Variants in MYH14 observed in about 807,000 individuals in gnomAD.
MYH14 encodes myosin heavy chain 14.
In MYH14, 123 loss-of-function variants were observed where a neutral mutation model predicts 255.5. The observed-to-expected ratio is 0.48, with a 90% CI of 0.42 to 0.56. The LOEUF is 0.56. MYH14 is among the 20% of genes least tolerant of loss of function. The pLI is 0.00. For synonymous variants in MYH14, 1,095 were observed against 1,161.2 expected (o/e 0.94, Z 1.16); for missense variants, 2,423 against 2,802.3 (o/e 0.86, Z 3.06).
chr19:50,276,439 C>T lies in MYH14; in HGVS notation c.3680+236C>T, dbSNP rs1396616796. ...AGATTCAGGCAAAGACAATCTCAAC[C>T]CAGAACAAGGGGTGCTTTAGCGGAG... On this transcript the variant is annotated intron_variant, in intron 28 of 42. Transcript: ENST00000642316. This position sits in a 1 kb window ranked among gnomAD's most constrained non-coding sequence, Gnocchi z 4.3. Among the ~76,000 whole-genome samples the T allele has an allele frequency of 6.6e-6, 1 of 152,116 alleles. No homozygotes were observed. Among genetic ancestry groups the T allele is most frequent in the Non-Finnish European group, 1.5e-5 (1 of 68,014 alleles).
At chr19:50,255,904 C>T (rs1037684182) in intron 17 of MYH14, among the ~76,000 whole-genome samples, 22 of 150,176 alleles carry the variant, frequency 1.5e-4, no homozygotes, top group Admixed American at 1.3e-3. Flanking sequence ...CGGTTGATGG[C>T]GCTTGAATGG....
chr19:50,214,784 C>T (rs1035502402), intron 2 of MYH14, among the ~76,000 whole-genome samples: 3 of 151,994 alleles, frequency 2.0e-5, no homozygotes, highest in Admixed American at 6.6e-5. Context: ...CTGTCCCACC[C>T]GCCCCCGTCC....
rs1422136892 is a variant in MYH14 at position 50,250,604 on chromosome 19, G to C, written c.1746G>C (p.Gln582His). ...TDKSFVEKVAQEQGGHPKFQR... is the reference protein window; with the variant it reads ...TDKSFVEKVAHEQGGHPKFQR... The stretch of plus-strand genomic sequence containing the variant: ...AGTCGTTTGTGGAGAAGGTAGCCCA[G>C]GAGCAGGGCGGCCACCCCAAGTTCC... Residue 582 changes from glutamine (Q) to histidine (H), a missense_variant, in exon 15 of 43, where the codon CAG becomes CAC. Physicochemically the swap from Gln to His is conservative, Grantham distance 24. Coordinates refer to ENST00000642316, the MANE Select transcript of MYH14 (RefSeq NM_001145809.2). This position sits in a 1 kb window ranked among gnomAD's most constrained non-coding sequence, Gnocchi z 5.4. 1 of 1,614,054 alleles carries C rather than the reference G, an allele frequency of 6.2e-7. No homozygotes were observed. The highest frequency in any genetic ancestry group is 2.2e-5 in the East Asian group (1 of 44,882).
chr19:50,231,600 C>G (rs564751207), intron 9 of MYH14, among the ~76,000 whole-genome samples: 2 of 151,852 alleles, frequency 1.3e-5, no homozygotes, highest in East Asian at 1.9e-4. Flanking sequence ...GTAGTCCCAG[C>G]TATGTGGGAG....
chr19:50,286,837 T>C, intron 34 of MYH14, 143 bp downstream of exon 34: 1 of 886,770 alleles, frequency 1.1e-6, no homozygotes, highest in Non-Finnish European at 1.7e-6. Flanking sequence ...GGGCTGGGCA[T>C]GGTGGCTCAC....
chr19:50,230,677 C>A lies in MYH14; in HGVS notation c.973+54C>A. The A allele has an allele frequency of 6.8e-7, 1 of 1,481,304 alleles. No homozygotes were observed. Among genetic ancestry groups the A allele is most frequent in the Non-Finnish European group, 9.2e-7 (1 of 1,088,528 alleles). The allele number at this position is 1,481,304 out of a possible 1,614,324, so 91.8% of individuals were successfully genotyped here. Reference sequence around the variant, plus strand: ...ACCCGGGAGAGGGTGGGCACCATGTCTCTCGGGGGCCCCTTCTGGGGAGGA... The same window carrying A: ...ACCCGGGAGAGGGTGGGCACCATGTATCTCGGGGGCCCCTTCTGGGGAGGA... On this transcript the variant is annotated intron_variant, in intron 9 of 42. Transcript: ENST00000642316. This position sits in a 1 kb window ranked among gnomAD's most constrained non-coding sequence, Gnocchi z 4.7.
intron 42 of MYH14, chr19:50,309,428 C>T: frequency 1.6e-6 from 1 of 616,104 alleles, no homozygotes; most frequent in Non-Finnish European, 2.9e-6. Flanking sequence ...CTCCTTTCCT[C>T]CTCTCTGTGT....
intron 27 of MYH14, 53 bp from the exon 28 acceptor site, chr19:50,275,938 T>C (rs2035486963): frequency 7.1e-7 from 1 of 1,416,974 alleles, no homozygotes; most frequent in African/African-American, 1.4e-5. Context: ...CAGAAATCAT[T>C]GCCTCACTCT....
rs2036001597 is a variant in MYH14 at position 50,289,615 on chromosome 19, T to C, written c.4932T>C (p.Ala1644=). 1 of 1,612,110 alleles carries C rather than the reference T, an allele frequency of 6.2e-7. No individual in the cohort carries two copies. The highest frequency in any genetic ancestry group is 1.3e-5 in the African/African-American group (1 of 74,892). The change falls in exon 35 of 43, where the codon GCT becomes GCC. Residue 1644 remains alanine, a synonymous_variant. Coordinates refer to ENST00000642316, the MANE Select transcript of MYH14 (RefSeq NM_001145809.2). ...HERDLQGRDE[A]GEERRRQLAK... The stretch of plus-strand genomic sequence containing the variant: ...GTGACCTGCAGGGCCGTGATGAGGC[T>C]GGTGAAGAGAGGCGGAGGCAGCTGG...
At chr19:50,291,786 A>AT (rs1326783567) in intron 36 of MYH14, among the ~76,000 whole-genome samples, 2 of 152,108 alleles carry the variant, frequency 1.3e-5, no homozygotes, top group South Asian at 2.1e-4. Flanking sequence ...AATTGCTTGA[A>AT]TCCGGGAGGC....
rs766275243 is a variant in MYH14 at position 50,221,208 on chromosome 19, A to G, written c.563-1875A>G. On this transcript the variant is annotated intron_variant, in intron 3 of 42. Transcript: ENST00000642316. This position sits in a 1 kb window ranked among gnomAD's most constrained non-coding sequence, Gnocchi z 5.3. ...TGCATTTTGAGCATTCTGAGTTCTG[A>G]CTACAGCCCTGGGAGATGGCAGCTG... is the stretch of plus-strand genomic sequence containing the variant. 6.6e-6 allele frequency among the ~76,000 whole-genome samples: 1 copy of G among 151,968 alleles called. No individual in the cohort carries two copies. The highest frequency in any genetic ancestry group is 2.4e-5 in the African/African-American group (1 of 41,374).
rs1203234217 is a variant in MYH14, at chr19:50,210,597, G to T, written c.232G>T (p.Ala78Ser). The change falls in exon 2 of 43, where the codon GCG becomes TCG. Residue 78 changes from alanine (A) to serine (S), a missense_variant. Coordinates refer to ENST00000642316, the MANE Select transcript of MYH14 (RefSeq NM_001145809.2). ...GCTGCGGGACGAAGGCGAGGAGGAG[G>T]CGGAGGTGGAGCTGGCGGAGAGCGG... is the stretch of plus-strand genomic sequence containing the variant. ...AALRDEGEEE[A>S]EVELAESGRR... 2 of 1,573,102 alleles carry T rather than the reference G, an allele frequency of 1.3e-6. No homozygotes were observed. The highest frequency in any genetic ancestry group is 1.9e-5 in the Admixed American group (1 of 53,410).
intron 35 of MYH14, among the ~76,000 whole-genome samples, chr19:50,290,594 C>T (rs2036037767): frequency 6.6e-6 from 1 of 152,088 alleles, no homozygotes; most frequent in South Asian, 2.1e-4. Context: ...CAAGACTTGG[C>T]CCTGGGGGCA....
intron 10 of MYH14, among the ~76,000 whole-genome samples, chr19:50,236,438 G>A (rs1222811010): frequency 1.3e-5 from 2 of 151,440 alleles, no homozygotes; most frequent in East Asian, 2.0e-4. Context: ...AGCTGGGCGC[G>A]GTGGCTCACA....
Position 50,210,388 on chromosome 19 carries a change from T to C in MYH14, c.23T>C (p.Val8Ala), listed in dbSNP as rs1259894115. MAAVTMSVPGRKAPPRPG... is the reference protein window; with the variant it reads MAAVTMSAPGRKAPPRPG... The stretch of plus-strand genomic sequence containing the variant: ...ACCATGGCAGCCGTGACCATGTCGG[T>C]GCCCGGGCGGAAGGCGCCCCCCAGG... Residue 8 changes from valine to alanine, a missense_variant, in exon 2 of 43, where the codon GTG becomes GCG. Val to Ala is a moderately conservative substitution (Grantham distance 64, BLOSUM62 0). Around this residue, in one of 3 missense-constraint regions of MYH14, gnomAD observed 238 missense variants for 245.8 expected, o/e 0.97. Coordinates refer to ENST00000642316, the MANE Select transcript of MYH14 (RefSeq NM_001145809.2). 5.0e-6 allele frequency: 8 copies of C among 1,585,588 alleles called. No homozygotes were observed. The highest frequency in any genetic ancestry group is 6.9e-6 in the Non-Finnish European group (8 of 1,167,598).
chr19:50,276,270 A>G lies in MYH14; in HGVS notation c.3680+67A>G, dbSNP rs1226882552. On this transcript the variant is annotated intron_variant, in intron 28 of 42. Coordinates refer to ENST00000642316, the MANE Select transcript of MYH14 (RefSeq NM_001145809.2). The surrounding 1 kb of genome is among the most constrained non-coding windows in gnomAD (Gnocchi z 4.3). The stretch of plus-strand genomic sequence containing the variant: ...ACAGGGCTGGGGGAAGGACTTAGGT[A>G]CAAAGTCTCTGTCTATACAGAGGCT... The G allele has an allele frequency of 9.0e-6, 11 of 1,222,654 alleles. No homozygotes were observed. Among genetic ancestry groups the G allele is most frequent in the South Asian group, 1.5e-5 (1 of 66,206 alleles). 75.7% of individuals were successfully genotyped at this position (1,222,654 alleles called of 1,614,324 possible).
chr19:50,307,027 T>G lies in MYH14; in HGVS notation c.5679-22T>G, dbSNP rs577863749. 59 of 1,524,680 alleles carry G rather than the reference T, an allele frequency of 3.9e-5. No individual in the cohort carries two copies. In the Admixed American group the frequency reaches 5.7e-4, roughly 15 times the overall value. 94.4% of individuals were successfully genotyped at this position (1,524,680 alleles called of 1,614,324 possible). A position where few individuals can be genotyped will look rare whatever the true frequency, so the allele number is the denominator to read the frequency against. On this transcript the variant is annotated intron_variant, in intron 40 of 42. Transcript: ENST00000642316. ...CTAGGTTGAGCCCCTCTACTGAGAC[T>G]CCTCCTCATCCCTCTCTTCAGAGAG...
intron 34 of MYH14, among the ~76,000 whole-genome samples, chr19:50,286,982 G>A (rs138751769): frequency 0.014 from 2,170 of 152,204 alleles, 55 homozygotes; most frequent in East Asian, 0.076. Context: ...GCCAGGCATG[G>A]TGGCACATGC....
At position 50,250,507 on chromosome 19, in the gene MYH14, A is replaced by G; in HGVS notation, c.1657-8A>G. 4 of 1,611,714 alleles carry G rather than the reference A, an allele frequency of 2.5e-6. No homozygotes were observed. The highest frequency in any genetic ancestry group is 3.4e-6 in the Non-Finnish European group (4 of 1,179,016). ...CTGACTTACTCTCCCCCTGCTGTCA[A>G]TGGCCAGGCCAACCCCCCTGGACTC... On this transcript the variant is annotated splice_region_variant and splice_polypyrimidine_tract_variant and intron_variant, in intron 14 of 42. Transcript: ENST00000642316. The surrounding 1 kb of genome is among the most constrained non-coding windows in gnomAD (Gnocchi z 5.4).
Sources: allele counts gnomAD v4.1 joint callset (sites outside exome capture counted in the v4.1 genomes callset), GRCh38; gene constraint gnomAD v4.1.1; regional missense constraint gnomAD v4.1.1; non-coding constraint Gnocchi (gnomAD v3.1); transcripts MANE v1.5; gene names NCBI Gene and HGNC (gene_info 2026-07-23, HGNC 2026-07-21).